POU2F1: variants seen among roughly 807,000 people sequenced by gnomAD.
The protein encoded by POU2F1 is POU class 2 homeobox 1, also known as POU domain, class 2, transcription factor 1.
In POU2F1, 16 loss-of-function variants were observed where a neutral mutation model predicts 84.9. The ratio of observed to expected loss-of-function variants is 0.19; its 90% CI spans 0.13 to 0.29. The LOEUF (loss-of-function observed/expected upper bound fraction) is 0.29, where lower values mean the gene tolerates loss of function less well. POU2F1 is among the 10% of genes least tolerant of loss of function. The probability of loss-of-function intolerance (pLI) is 1.00; values close to 1 mark genes in which losing one functional copy is unlikely to be tolerated. For synonymous variants in POU2F1, 368 were observed against 368.3 expected, an observed-to-expected ratio of 1.00 and a Z score of 0.01; for missense variants, 738 against 942.6, an observed-to-expected ratio of 0.78 and a Z score of 2.84.
chr1:167,411,089 G>A (rs982091607), intron 13 of POU2F1, among the ~76,000 whole-genome samples: 2 of 151,234 alleles, frequency 1.3e-5, no homozygotes, highest in African/African-American at 2.4e-5. Flanking sequence ...CGCCAGGCTG[G>A]AGTGCAGTGG....
chr1:167,424,527 T>G lies in POU2F1; in HGVS notation c.*8717T>G, dbSNP rs1023041373. On this transcript the variant is annotated 3_prime_UTR_variant, in exon 16 of 16. Coordinates refer to ENST00000367866, the MANE Select transcript of POU2F1 (RefSeq NM_002697.4). ...TCCAGGAGCTGTTGTATACCTCATT[T>G]CTAACTCGTGACCGAGTGACTTGCT... is the stretch of plus-strand genomic sequence containing the variant. The G allele has an allele frequency of 6.6e-6, 1 of 152,238 alleles. No homozygotes were observed. The highest frequency in any genetic ancestry group is 2.4e-5 in the African/African-American group (1 of 41,440). 9.4% of individuals were successfully genotyped at this position (152,238 alleles called of 1,614,324 possible).
chr1:167,300,221 A>G (rs1245932605), intron 1 of POU2F1, among the ~76,000 whole-genome samples: 3 of 152,206 alleles, frequency 2.0e-5, no homozygotes, highest in Admixed American at 6.5e-5. Context: ...TGGGGTAGGT[A>G]CCACATGGAT....
intron 2 of POU2F1, among the ~76,000 whole-genome samples, chr1:167,351,519 C>CAAAAAAAAAAAAAAAAA (rs34170498): frequency 1.5e-3 from 69 of 45,846 alleles, no homozygotes; most frequent in Non-Finnish European, 2.0e-3. Context: ...AGCACCATCT[C>CAAAAAAAAAAAAAAAAA]AAAAAAAAAA....
chr1:167,370,442 A>G (rs1044136800), intron 4 of POU2F1, among the ~76,000 whole-genome samples: 2 of 152,202 alleles, frequency 1.3e-5, no homozygotes, highest in African/African-American at 4.8e-5. Flanking sequence ...TCTACTTTCA[A>G]AGTTGTATGT....
intron 1 of POU2F1, among the ~76,000 whole-genome samples, chr1:167,279,114 C>T (rs540205318): frequency 7.9e-5 from 12 of 152,218 alleles, no homozygotes; most frequent in Admixed American, 6.5e-5. Context: ...TTACAGCATA[C>T]GCCTGATAAT....
intron 2 of POU2F1, among the ~76,000 whole-genome samples, chr1:167,355,042 G>A (rs1326533790): frequency 6.6e-6 from 1 of 151,746 alleles, no homozygotes; most frequent in Middle Eastern, 3.4e-3. Context: ...TCATCTTTTG[G>A]TTCTTGATAA....
At chr1:167,409,342 C>G (rs1028724803) in intron 13 of POU2F1, among the ~76,000 whole-genome samples, 1 of 152,128 alleles carries the variant, frequency 6.6e-6, no homozygotes, top group Non-Finnish European at 1.5e-5. Flanking sequence ...GTACTATATA[C>G]ACACCTTGAC....
chr1:167,355,739 G>A (rs1054883031), intron 2 of POU2F1, among the ~76,000 whole-genome samples: 7 of 151,830 alleles, frequency 4.6e-5, no homozygotes, highest in Non-Finnish European at 1.0e-4. Flanking sequence ...GGCCTTAAGC[G>A]ATCCTCCCAC....
In POU2F1 at chr1:167,354,376, C is replaced by T. The variant is rs186036335; in HGVS notation, c.128-11091C>T. On this transcript the variant is annotated intron_variant, in intron 2 of 15. Transcript: ENST00000367866. ...GCACAATCTCAGCTCACTGCAACCT[C>T]GGCCTCCCGGGTTCAAGCAATTCTC... is the stretch of plus-strand genomic sequence containing the variant. Among the ~76,000 whole-genome samples the T allele has an allele frequency of 5.3e-3, 800 of 152,262 alleles. 8 individuals carry two copies. The highest frequency in any genetic ancestry group is 0.018 in the African/African-American group (731 of 41,550).
chr1:167,294,172 C>CAAAAAAAAAAAAAA (rs60846607), intron 1 of POU2F1, among the ~76,000 whole-genome samples: 3 of 30,958 alleles, frequency 9.7e-5, no homozygotes, highest in Non-Finnish European at 2.7e-4. Flanking sequence ...TACTAAAATA[C>CAAAAAAAAAAAAAA]AAAAAAAAAA....
intron 11 of POU2F1, 134 bp from the exon 12 acceptor site, chr1:167,399,052 C>G: frequency 2.9e-6 from 2 of 701,514 alleles, no homozygotes; most frequent in Non-Finnish European, 4.5e-6. Flanking sequence ...TACACAATCT[C>G]TTTGTTGAAA....
In POU2F1 at chr1:167,417,675, C is replaced by T. The variant is rs1191419346; in HGVS notation, c.*1865C>T. 2 of 152,260 alleles carry T rather than the reference C, an allele frequency of 1.3e-5. No individual in the cohort carries two copies. Among genetic ancestry groups the T allele is most frequent in the African/African-American group, 4.8e-5 (2 of 41,548 alleles). 9.4% of individuals were successfully genotyped at this position (152,260 alleles called of 1,614,324 possible). On this transcript the variant is annotated 3_prime_UTR_variant, in exon 16 of 16. Transcript: ENST00000367866. The stretch of plus-strand genomic sequence containing the variant: ...GGTCCCAAGACTGCACTTTTTCTCC[C>T]TTTCGAGCTGGGGATGTAGAGAGAA...
intron 15 of POU2F1, 140 bp downstream of exon 15, chr1:167,413,254 C>A: frequency 1.4e-6 from 1 of 729,264 alleles, no homozygotes; most frequent in Non-Finnish European, 2.2e-6. Flanking sequence ...GAGTCAAATG[C>A]TGACTAACTT....
At chr1:167,399,083 A>T in intron 11 of POU2F1, 103 bp from the exon 12 acceptor site, 1 of 1,154,520 alleles carries the variant, frequency 8.7e-7, no homozygotes, top group Non-Finnish European at 1.2e-6. Context: ...GTGGATGGTC[A>T]TATGTATCCC....
intron 1 of POU2F1, among the ~76,000 whole-genome samples, chr1:167,242,910 T>A (rs932483702): frequency 1.3e-5 from 2 of 152,106 alleles, no homozygotes; most frequent in African/African-American, 4.8e-5. Flanking sequence ...GACATACGTA[T>A]ATTCTCATTC....
chr1:167,282,289 G>A (rs1239765303), intron 1 of POU2F1, among the ~76,000 whole-genome samples: 3 of 151,770 alleles, frequency 2.0e-5, no homozygotes, highest in Non-Finnish European at 2.9e-5. Flanking sequence ...GATTACAGGC[G>A]CCCGCCACCA....
chr1:167,240,815 C>A lies in POU2F1; in HGVS notation c.61+19857C>A, dbSNP rs184525676. Reference sequence around the variant, plus strand: ...TCCATTCAGAACCCAGCTTCTGAAACCTTTGCTTTGGGGACACCTTGTTCT... The same window carrying A: ...TCCATTCAGAACCCAGCTTCTGAAAACTTTGCTTTGGGGACACCTTGTTCT... On this transcript the variant is annotated intron_variant, in intron 1 of 15. Transcript: ENST00000367866. Among the ~76,000 whole-genome samples the A allele has an allele frequency of 1.2e-4, 19 of 152,200 alleles. 1 individual carries two copies. Among genetic ancestry groups the A allele is most frequent in the African/African-American group, 3.4e-4 (14 of 41,540 alleles).
At chr1:167,318,707 CAGAT>C (rs1041032937) in intron 1 of POU2F1, among the ~76,000 whole-genome samples, 16 of 152,164 alleles carry the variant, frequency 1.1e-4, no homozygotes, top group Admixed American at 4.6e-4. Flanking sequence ...CTTTCTCAAA[CAGAT>C]AGGCGGACAT....
chr1:167,401,492 T>C lies in POU2F1; in HGVS notation c.1491T>C (p.Thr497=), dbSNP rs139942805. The C allele has an allele frequency of 3.1e-6, 5 of 1,613,392 alleles. No homozygotes were observed. The highest frequency in any genetic ancestry group is 1.7e-5 in the Admixed American group (1 of 59,922). The change falls in exon 13 of 16, where the codon ACT becomes ACC. Residue 497 remains threonine, a synonymous_variant. Coordinates refer to ENST00000367866, the MANE Select transcript of POU2F1 (RefSeq NM_002697.4). ...TPSLVTSSAA[T]TLTVSPVLPL... is the part of the protein sequence containing the mutation. ...GCCTTGTGACTAGCAGTGCAGCAAC[T>C]ACCCTCACAGTCAGCCCTGTCCTCC...
Sources: gnomAD v4.1 joint callset for allele counts (sites outside exome capture counted in the v4.1 genomes callset) on GRCh38, gnomAD v4.1.1 for gene constraint, MANE v1.5 for transcripts, NCBI Gene and HGNC (gene_info 2026-07-23, HGNC 2026-07-21) for gene names.